HPSE2: variants seen among roughly 807,000 people sequenced by gnomAD.
HPSE2 encodes the protein heparanase 2 (inactive).
Under a neutral mutation model 60.5 loss-of-function variants are expected in HPSE2, and 38 were observed. The observed-to-expected ratio is 0.63, with a 90% CI of 0.48 to 0.82. HPSE2 has a LOEUF of 0.82. Among genes scored for constraint, HPSE2 ranks in the 40% least tolerant of loss-of-function variants. The pLI is 0.00. For missense variants in HPSE2, 713 were observed against 740.4 expected (o/e 0.96, Z 0.43); for synonymous variants, 295 against 293.2 (o/e 1.01, Z -0.06).
chr10:99,157,497 G>C (rs75765894), intron 2 of HPSE2, among the ~76,000 whole-genome samples: 2,510 of 96,324 alleles, frequency 0.026, 6 homozygotes, highest in Middle Eastern at 0.057. Context: ...AACAAGCAAT[G>C]GGGAAAGGAT....
the HPSE2 span, among the ~76,000 whole-genome samples, chr10:99,250,157 A>AG: frequency 6.6e-6 from 1 of 150,704 alleles, no homozygotes; most frequent in African/African-American, 2.4e-5. Context: ...AAAAAAAAAA[A>AG]AAGTGGGTAG....
At chr10:99,236,203 G>A (rs1003730118), upstream of HPSE2, among the ~76,000 whole-genome samples, 3 of 151,768 alleles carry the variant, frequency 2.0e-5, no homozygotes, top group Non-Finnish European at 4.4e-5. Context: ...GAGGAGAAAA[G>A]GGTGGCGTTG....
intron 2 of HPSE2, among the ~76,000 whole-genome samples, chr10:99,152,624 G>C (rs1382810761): frequency 6.6e-6 from 1 of 152,200 alleles, no homozygotes; most frequent in African/African-American, 2.4e-5. Context: ...AGCTGTATTT[G>C]AGTAAAGTTG....
chr10:99,034,010 C>T (rs1295746891), intron 3 of HPSE2, among the ~76,000 whole-genome samples: 1 of 152,120 alleles, frequency 6.6e-6, no homozygotes, highest in South Asian at 2.1e-4. Context: ...TTAACATGCT[C>T]ACCAAAAACC....
intron 3 of HPSE2, among the ~76,000 whole-genome samples, chr10:98,922,787 T>C (rs1041801244): frequency 7.9e-5 from 12 of 152,194 alleles, no homozygotes; most frequent in African/African-American, 2.9e-4. Context: ...ACTCCACATG[T>C]TAACTTAGTG....
chr10:99,269,227 C>A, the HPSE2 span, among the ~76,000 whole-genome samples: 48 of 151,356 alleles, frequency 3.2e-4, 1 homozygote, highest in South Asian at 9.8e-3. Flanking sequence ...AACACATAGA[C>A]CCATATAAAA....
intron 9 of HPSE2, among the ~76,000 whole-genome samples, chr10:98,542,023 G>A (rs1376535202): frequency 7.8e-5 from 4 of 51,468 alleles, no homozygotes; most frequent in African/African-American, 1.3e-4. Flanking sequence ...CTCCTCAAGT[G>A]GGTCCCTGAC....
chr10:99,235,101 T>TATACAC (rs1554927252), intron 1 of HPSE2, among the ~76,000 whole-genome samples: 1 of 147,506 alleles, frequency 6.8e-6, no homozygotes, highest in African/African-American at 2.5e-5. Context: ...CTGTCTCACA[T>TATACAC]ACACACACAC....
At chr10:99,175,502 T>C (rs775994164) in intron 2 of HPSE2, among the ~76,000 whole-genome samples, 3 of 152,172 alleles carry the variant, frequency 2.0e-5, no homozygotes, top group Admixed American at 6.5e-5. Flanking sequence ...ACAAAGCAGC[T>C]AGGAAGTTCC....
chr10:98,868,078 AAAATAAATAAATAAAT>A (rs34543812), intron 3 of HPSE2, among the ~76,000 whole-genome samples: 1,841 of 140,260 alleles, frequency 0.013, 39 homozygotes, highest in African/African-American at 0.043. Flanking sequence ...AGAAAGAAAG[AAAATAAATAAATAAAT>A]AAATAAATAA....
At chr10:99,240,887 T>TA in the HPSE2 span, among the ~76,000 whole-genome samples, 13 of 152,258 alleles carry the variant, frequency 8.5e-5, 1 homozygote, top group South Asian at 2.5e-3. Flanking sequence ...ATAGAAATTT[T>TA]AAAAAATGCT....
chr10:98,588,325 C>G (rs1365501131), intron 9 of HPSE2, among the ~76,000 whole-genome samples: 1 of 152,060 alleles, frequency 6.6e-6, no homozygotes, highest in East Asian at 1.9e-4. Flanking sequence ...AGTGTTTATC[C>G]TACTAATTTT....
intron 9 of HPSE2, among the ~76,000 whole-genome samples, chr10:98,539,519 TCAAACAAA>T (rs560536661): frequency 1.3e-3 from 194 of 152,130 alleles, no homozygotes; most frequent in African/African-American, 4.2e-3. Context: ...AGACTCTGTC[TCAAACAAA>T]CAAACAAACA....
chr10:98,663,148 G>T (rs1565059611), intron 6 of HPSE2, among the ~76,000 whole-genome samples: 2 of 152,172 alleles, frequency 1.3e-5, no homozygotes, highest in Non-Finnish European at 2.9e-5. Context: ...AAATCAGTTT[G>T]ATTAGGCCCC....
At chr10:98,904,847 G>A (rs1236953108) in intron 3 of HPSE2, among the ~76,000 whole-genome samples, 7 of 152,042 alleles carry the variant, frequency 4.6e-5, no homozygotes, top group Non-Finnish European at 1.0e-4. Context: ...CAAATTGTCT[G>A]GACAAACAAT....
chr10:98,732,950 A>C (rs1949264382), intron 4 of HPSE2, among the ~76,000 whole-genome samples: 1 of 152,186 alleles, frequency 6.6e-6, no homozygotes, highest in Non-Finnish European at 1.5e-5. Flanking sequence ...AAAGAGCAAA[A>C]GCTTTGGGCT....
At chr10:98,621,236 G>C (rs1946065964) in intron 7 of HPSE2, among the ~76,000 whole-genome samples, 1 of 152,038 alleles carries the variant, frequency 6.6e-6, no homozygotes, top group Admixed American at 6.5e-5. Context: ...AATAACTGCA[G>C]TAAGGGTAAA....
At chr10:98,705,289 T>A (rs1397019375) in intron 5 of HPSE2, among the ~76,000 whole-genome samples, 1 of 152,172 alleles carries the variant, frequency 6.6e-6, no homozygotes, top group Non-Finnish European at 1.5e-5. Context: ...GAAATAGGAA[T>A]GCTTTTACAC....
At chr10:99,269,963 G>C in the HPSE2 span, among the ~76,000 whole-genome samples, 1 of 152,176 alleles carries the variant, frequency 6.6e-6, no homozygotes, top group African/African-American at 2.4e-5. Flanking sequence ...CAAAACCTCT[G>C]GGATACTGCA....
Sources: allele counts gnomAD v4.1 joint callset (sites outside exome capture counted in the v4.1 genomes callset), GRCh38; gene constraint gnomAD v4.1.1; transcripts MANE v1.5; gene names NCBI Gene and HGNC (gene_info 2026-07-23, HGNC 2026-07-21).